The following KLRG1 variants were observed in gnomAD, a reference collection of about 807,000 sequenced individuals.
KLRG1 encodes the protein killer cell lectin-like receptor subfamily G member 1.
KLRG1 carries 16 observed loss-of-function variants against 21.8 expected under a neutral mutation model. That is an observed-to-expected ratio of 0.73 (90% CI 0.50 to 1.11). KLRG1 has a LOEUF of 1.11. Among genes scored for constraint, KLRG1 ranks in the 50% most tolerant of loss-of-function variants. The probability of loss-of-function intolerance (pLI) is 0.00; values close to 1 mark genes in which losing one functional copy is unlikely to be tolerated. For missense variants in KLRG1, 173 were observed against 218.3 expected (o/e 0.79, Z 1.31); for synonymous variants, 69 against 75.9 (o/e 0.91, Z 0.47).
the KLRG1 span, chr12:9,027,906 C>A: frequency 1.1e-5 from 10 of 871,160 alleles, no homozygotes; most frequent in Non-Finnish European, 1.7e-5. Flanking sequence ...ACCATTTCGA[C>A]CTCTTTGGCT....
chr12:9,141,981 T>A, the KLRG1 span, among the ~76,000 whole-genome samples: 2 of 152,214 alleles, frequency 1.3e-5, no homozygotes, highest in Non-Finnish European at 2.9e-5. Flanking sequence ...ACTTTTAAAT[T>A]GTACAACATT....
intron 3 of KLRG1, among the ~76,000 whole-genome samples, chr12:9,006,661 G>C (rs1012495153): frequency 1.3e-5 from 2 of 152,134 alleles, no homozygotes; most frequent in African/African-American, 4.8e-5. Context: ...AAGGAGACTT[G>C]GATGAATTCT....
the KLRG1 span, among the ~76,000 whole-genome samples, chr12:9,029,524 A>G: frequency 5.8e-4 from 89 of 152,252 alleles, 1 homozygote; most frequent in Middle Eastern, 3.4e-3. Context: ...GTTATTAACT[A>G]CAGTCACCTT....
the KLRG1 span, among the ~76,000 whole-genome samples, chr12:9,047,012 A>G: frequency 6.6e-6 from 1 of 151,922 alleles, no homozygotes; most frequent in Non-Finnish European, 1.5e-5. Context: ...GTGCCACCAT[A>G]CTCAGCTAAA....
chr12:9,164,161 C>A, the KLRG1 span: 6 of 1,611,752 alleles, frequency 3.7e-6, no homozygotes, highest in Admixed American at 3.3e-5. Context: ...CTGTCCAAGA[C>A]AAGGTTTGTC....
chr12:9,203,489 C>A, the KLRG1 span, among the ~76,000 whole-genome samples: 2 of 151,990 alleles, frequency 1.3e-5, no homozygotes, highest in Admixed American at 6.5e-5. Flanking sequence ...CTACGGGCGC[C>A]TGCCACTACG....
chr12:9,108,787 A>G, the KLRG1 span, among the ~76,000 whole-genome samples: 26 of 152,198 alleles, frequency 1.7e-4, no homozygotes, highest in African/African-American at 5.8e-4. Flanking sequence ...TAAAAATGTC[A>G]GTGCAGACAG....
At chr12:8,960,534 G>A (rs1446902191) in intron 1 of KLRG1, among the ~76,000 whole-genome samples, 2 of 152,146 alleles carry the variant, frequency 1.3e-5, no homozygotes, top group African/African-American at 2.4e-5. Flanking sequence ...ACTCACTAGC[G>A]CATTCAAATT....
the KLRG1 span, chr12:9,149,004 AAAG>A: frequency 6.2e-7 from 1 of 1,610,428 alleles, no homozygotes; most frequent in Non-Finnish European, 8.5e-7. Flanking sequence ...TCTATGGAGA[AAAG>A]AAAAACGTAA....
chr12:9,045,532 A>C, the KLRG1 span, among the ~76,000 whole-genome samples: 2 of 152,242 alleles, frequency 1.3e-5, no homozygotes, highest in African/African-American at 4.8e-5. Context: ...AAGCAAGTAC[A>C]ACAAGATGAA....
the KLRG1 span, among the ~76,000 whole-genome samples, chr12:9,043,236 C>T: frequency 1.5e-4 from 23 of 152,088 alleles, no homozygotes; most frequent in Non-Finnish European, 2.5e-4. Context: ...ACCACCACGC[C>T]GGTTAATTTT....
the KLRG1 span, chr12:9,076,643 A>G: frequency 5.5e-6 from 5 of 914,954 alleles, no homozygotes; most frequent in Non-Finnish European, 8.3e-6. Context: ...TATATGATAT[A>G]TAGAAAAGAA....
the KLRG1 span, among the ~76,000 whole-genome samples, chr12:9,061,991 C>A: frequency 7.5e-3 from 1,132 of 151,530 alleles, 24 homozygotes; most frequent in African/African-American, 0.026. Flanking sequence ...TAAAAAATCA[C>A]CTGACACAAT....
chr12:9,072,283 T>G, the KLRG1 span: 2 of 1,533,974 alleles, frequency 1.3e-6, no homozygotes, highest in Non-Finnish European at 1.8e-6. Flanking sequence ...GTTGCACTGC[T>G]TTACTTAAAG....
At chr12:9,196,572 T>C in the KLRG1 span, 1 of 1,599,024 alleles carries the variant, frequency 6.3e-7, no homozygotes, top group South Asian at 1.1e-5. Context: ...TACTCACACC[T>C]GTCCCCTCTT....
At chr12:9,058,749 A>C in the KLRG1 span, 4 of 151,142 alleles carry the variant, frequency 2.6e-5, no homozygotes, top group Non-Finnish European at 5.9e-5. Context: ...CCTGGTGATG[A>C]GATCCCCTAG....
At chr12:9,030,132 T>A in the KLRG1 span, among the ~76,000 whole-genome samples, 1 of 152,158 alleles carries the variant, frequency 6.6e-6, no homozygotes, top group African/African-American at 2.4e-5. Flanking sequence ...GATAACTAAC[T>A]TGGAAGAGAG....
the KLRG1 span, among the ~76,000 whole-genome samples, chr12:9,182,596 C>A: frequency 6.6e-6 from 1 of 152,084 alleles, no homozygotes; most frequent in Non-Finnish European, 1.5e-5. Context: ...ATATTTAATT[C>A]TTGGAGTTTT....
chr12:8,974,633 A>G (rs778747953), intron 1 of KLRG1, among the ~76,000 whole-genome samples: 2 of 152,320 alleles, frequency 1.3e-5, no homozygotes, highest in South Asian at 4.1e-4. Flanking sequence ...GATAATCAAA[A>G]GAGTTTTTTC....
Sources: allele counts gnomAD v4.1 joint callset (sites outside exome capture counted in the v4.1 genomes callset), GRCh38; gene constraint gnomAD v4.1.1; transcripts MANE v1.5; gene names NCBI Gene and HGNC (gene_info 2026-07-23, HGNC 2026-07-21).